The following PDE7B variants were observed in gnomAD, a reference collection of about 807,000 sequenced individuals.
PDE7B encodes phosphodiesterase 7B.
PDE7B carries 29 observed loss-of-function variants against 56.2 expected under a neutral mutation model. The ratio of observed to expected loss-of-function variants is 0.52; its 90% CI spans 0.38 to 0.70. The LOEUF (loss-of-function observed/expected upper bound fraction) is 0.70, where lower values mean the gene tolerates loss of function less well. Ranked by LOEUF, PDE7B falls within the 30% of genes least tolerant of loss-of-function variation. The pLI is 0.00. For synonymous variants in PDE7B, 197 were observed against 196.9 expected (o/e 1.00, Z 0.00); for missense variants, 490 against 565.0 (o/e 0.87, Z 1.35).
intron 2 of PDE7B, among the ~76,000 whole-genome samples, chr6:135,993,473 G>A (rs746618791): frequency 1.4e-4 from 21 of 152,242 alleles, no homozygotes; most frequent in Middle Eastern, 3.4e-3. Context: ...TGACTCTAAC[G>A]TTCAGCCAGG....
intron 1 of PDE7B, among the ~76,000 whole-genome samples, chr6:135,917,967 T>G (rs954090132): frequency 2.0e-5 from 3 of 152,328 alleles, no homozygotes; most frequent in Admixed American, 2.0e-4. Context: ...GCATCTTCAT[T>G]TCACTCACAG....
At chr6:136,008,415 G>T (rs367891813) in intron 2 of PDE7B, among the ~76,000 whole-genome samples, 136 of 152,182 alleles carry the variant, frequency 8.9e-4, no homozygotes, top group Non-Finnish European at 1.4e-3. Flanking sequence ...CCACACTGAC[G>T]TCCACAATGG....
intron 2 of PDE7B, among the ~76,000 whole-genome samples, chr6:135,960,009 A>G (rs1774869298): frequency 6.6e-6 from 1 of 152,090 alleles, no homozygotes; most frequent in South Asian, 2.1e-4. Context: ...CCTGGGCTCA[A>G]GTGATTCTCT....
intron 1 of PDE7B, among the ~76,000 whole-genome samples, chr6:135,895,056 G>A (rs1286564982): frequency 6.6e-6 from 1 of 151,792 alleles, no homozygotes; most frequent in Non-Finnish European, 1.5e-5. Context: ...TATAAATAGA[G>A]TTATATATAA....
intron 1 of PDE7B, among the ~76,000 whole-genome samples, chr6:135,876,585 G>A (rs913382027): frequency 1.3e-5 from 2 of 152,058 alleles, no homozygotes; most frequent in East Asian, 1.9e-4. Context: ...CAGGCTGGGC[G>A]TGGTGGCTGA....
At chr6:135,896,846 C>A (rs541017526) in intron 1 of PDE7B, among the ~76,000 whole-genome samples, 45 of 152,228 alleles carry the variant, frequency 3.0e-4, no homozygotes, top group African/African-American at 1.0e-3. Flanking sequence ...CCTTCCAGCT[C>A]CATCTCTGAC....
chr6:136,078,775 A>C lies in PDE7B; in HGVS notation c.83-29956A>C, dbSNP rs550204802. 8.5e-5 allele frequency among the ~76,000 whole-genome samples: 13 copies of C among 152,262 alleles called. No individual in the cohort carries two copies. In the South Asian group the frequency reaches 1.9e-3, roughly 22 times the overall value. On this transcript the variant is annotated intron_variant, in intron 2 of 12. Transcript: ENST00000308191. ...AAAGTACATATACATTTTAAACTTA[A>C]TAATGTTGAAAGATATGCACTATAC...
chr6:136,040,403 A>T (rs1776393624), intron 2 of PDE7B, among the ~76,000 whole-genome samples: 1 of 152,114 alleles, frequency 6.6e-6, no homozygotes, highest in Non-Finnish European at 1.5e-5. Context: ...ATAGGATGCA[A>T]CCCCAAAGAT....
chr6:136,120,010 G>A (rs764921693), intron 3 of PDE7B, among the ~76,000 whole-genome samples: 10 of 152,128 alleles, frequency 6.6e-5, no homozygotes, highest in Admixed American at 2.0e-4. Flanking sequence ...TGATTCCTCC[G>A]GGCTAGAAAA....
At chr6:136,137,875 G>A (rs1256419072) in intron 3 of PDE7B, among the ~76,000 whole-genome samples, 1 of 151,970 alleles carries the variant, frequency 6.6e-6, no homozygotes, top group African/African-American at 2.4e-5. Flanking sequence ...GTGCAAAAAT[G>A]TGTTAATATG....
At chr6:136,037,186 C>A (rs1212364155) in intron 2 of PDE7B, among the ~76,000 whole-genome samples, 1 of 152,174 alleles carries the variant, frequency 6.6e-6, no homozygotes, top group Admixed American at 6.5e-5. Flanking sequence ...CCATTTATGT[C>A]CCCTGTGAAC....
intron 2 of PDE7B, among the ~76,000 whole-genome samples, chr6:136,013,086 T>G (rs950965912): frequency 4.6e-5 from 7 of 152,202 alleles, no homozygotes; most frequent in Admixed American, 3.3e-4. Flanking sequence ...TGTGTAGAAC[T>G]AACACAAGTG....
chr6:135,928,471 A>ATATATATATTTATTTATATATATATATT (rs1562442857), intron 1 of PDE7B, among the ~76,000 whole-genome samples: 1 of 67,988 alleles, frequency 1.5e-5, no homozygotes, highest in Non-Finnish European at 3.0e-5. Context: ...ATATTTATTT[A>ATATATATATTTATTTATATATATATATT]TATATATATA....
At chr6:136,179,521 G>A (rs1779029188) in intron 10 of PDE7B, among the ~76,000 whole-genome samples, 1 of 152,176 alleles carries the variant, frequency 6.6e-6, no homozygotes, top group African/African-American at 2.4e-5. Context: ...TGGGTTTTAG[G>A]TCAACAAGTT....
chr6:136,168,835 A>G (rs182363162), intron 8 of PDE7B, among the ~76,000 whole-genome samples: 8 of 152,312 alleles, frequency 5.3e-5, no homozygotes, highest in African/African-American at 9.6e-5. Context: ...AAGAATTCCA[A>G]TGTGGGTTTA....
rs115834957 is a variant in PDE7B at position 136,051,901 on chromosome 6, G to A, written c.83-56830G>A. ...GATAATGAGGAATACACTCCCCTTC[G>A]AGACATTTTCCTAACTTCAGAACCA... On this transcript the variant is annotated intron_variant, in intron 2 of 12. Coordinates refer to ENST00000308191, the MANE Select transcript of PDE7B (RefSeq NM_018945.4). Among the ~76,000 whole-genome samples, 513 of 152,144 alleles carry A rather than the reference G, an allele frequency of 3.4e-3. 3 individuals carry two copies. The Middle Eastern group carries it at 0.044, about 13-fold the overall frequency.
chr6:136,012,389 A>G (rs910540345), intron 2 of PDE7B, among the ~76,000 whole-genome samples: 4 of 152,220 alleles, frequency 2.6e-5, no homozygotes, highest in Middle Eastern at 3.2e-3. Context: ...CAAAAAATGG[A>G]CATGCTGACT....
intron 2 of PDE7B, among the ~76,000 whole-genome samples, chr6:136,001,149 A>C (rs531709437): frequency 6.6e-6 from 1 of 152,350 alleles, no homozygotes; most frequent in Admixed American, 6.5e-5. Flanking sequence ...CCTGTCTGTT[A>C]GAAGGAAAAC....
chr6:135,983,581 A>G (rs1775330656), intron 2 of PDE7B, among the ~76,000 whole-genome samples: 1 of 152,198 alleles, frequency 6.6e-6, no homozygotes, highest in Admixed American at 6.5e-5. Flanking sequence ...TTTAAAATTC[A>G]ATTGAAATAA....
Sources: allele counts gnomAD v4.1 joint callset (sites outside exome capture counted in the v4.1 genomes callset), GRCh38; gene constraint gnomAD v4.1.1; transcripts MANE v1.5; gene names NCBI Gene and HGNC (gene_info 2026-07-23, HGNC 2026-07-21).